Variants in DAOA observed in about 807,000 individuals in gnomAD.
DAOA encodes the protein D-amino acid oxidase activator, also known as D-amino acid oxidase regulator.
Under a neutral mutation model 16.4 loss-of-function variants are expected in DAOA, and 15 were observed. The observed-to-expected ratio is 0.91, with a 90% confidence interval of 0.61 to 1.41. The LOEUF is 1.41. Among genes scored for constraint, DAOA ranks in the 40% most tolerant of loss-of-function variants. The probability of loss-of-function intolerance (pLI) is 0.00; values close to 1 mark genes in which losing one functional copy is unlikely to be tolerated. For missense variants in DAOA, 230 were observed against 176.8 expected (o/e 1.30, Z -1.71); for synonymous variants, 75 against 59.1 (o/e 1.27, Z -1.23).
chr13:105,473,752 T>A (rs1401312661), intron 4 of DAOA, among the ~76,000 whole-genome samples: 1 of 152,092 alleles, frequency 6.6e-6, no homozygotes. Flanking sequence ...GAGGCTATAG[T>A]TTATCGGTGT....
intron 4 of DAOA, among the ~76,000 whole-genome samples, chr13:105,478,934 G>T (rs9586859): frequency 0.012 from 1,866 of 152,218 alleles, 52 homozygotes; most frequent in African/African-American, 0.041. Context: ...CTACTCATTT[G>T]TGTTGCTTTT....
intron 3 of DAOA, among the ~76,000 whole-genome samples, chr13:105,471,114 A>G (rs965260916): frequency 1.3e-5 from 2 of 152,034 alleles, no homozygotes; most frequent in South Asian, 2.1e-4. Context: ...TAGTAGAGAC[A>G]GGGTTTCACC....
intron 3 of DAOA, among the ~76,000 whole-genome samples, chr13:105,468,069 T>C (rs1372054289): frequency 1.3e-5 from 2 of 152,172 alleles, no homozygotes; most frequent in East Asian, 3.9e-4. Context: ...CCTCTGTCTT[T>C]AGAGTCAGCA....
At chr13:105,482,927 T>A (rs1037000832) in intron 4 of DAOA, among the ~76,000 whole-genome samples, 1 of 152,090 alleles carries the variant, frequency 6.6e-6, no homozygotes, top group Non-Finnish European at 1.5e-5. Flanking sequence ...ATTGGATAAG[T>A]TTTTACATGT....
intron 4 of DAOA, among the ~76,000 whole-genome samples, chr13:105,486,877 C>T (rs1878148420): frequency 6.6e-6 from 1 of 152,154 alleles, no homozygotes. Context: ...ACTTCGGCAT[C>T]CCATAGTGCT....
intron 4 of DAOA, among the ~76,000 whole-genome samples, chr13:105,488,422 A>G (rs923742819): frequency 6.6e-6 from 1 of 152,214 alleles, no homozygotes; most frequent in African/African-American, 2.4e-5. Context: ...TGTACACACA[A>G]TGCTATTTGT....
intron 3 of DAOA, among the ~76,000 whole-genome samples, chr13:105,470,193 A>G (rs1273543662): frequency 6.6e-6 from 1 of 151,472 alleles, no homozygotes; most frequent in African/African-American, 2.4e-5. Context: ...TATCAAGATT[A>G]AAAATAACTG....
intron 4 of DAOA, among the ~76,000 whole-genome samples, chr13:105,475,586 G>T (rs546651725): frequency 1.3e-5 from 2 of 152,140 alleles, no homozygotes; most frequent in Non-Finnish European, 2.9e-5. Context: ...GAGCAACAAA[G>T]TAAGTTTTCA....
chr13:105,471,889 A>G (rs907752009), intron 3 of DAOA, among the ~76,000 whole-genome samples: 1 of 152,212 alleles, frequency 6.6e-6, no homozygotes, highest in Non-Finnish European at 1.5e-5. Context: ...TAGTCAGGTG[A>G]TTTAGTAATC....
intron 3 of DAOA, among the ~76,000 whole-genome samples, chr13:105,471,652 T>C (rs550865388): frequency 6.6e-6 from 1 of 152,326 alleles, no homozygotes; most frequent in Non-Finnish European, 1.5e-5. Context: ...ACTTGATTAA[T>C]AAGAGAAACA....
At chr13:105,466,400 G>A in intron 2 of DAOA, 68 bp downstream of exon 2, 1 of 1,610,006 alleles carries the variant, frequency 6.2e-7, no homozygotes, top group East Asian at 2.2e-5. Context: ...TGGCAGCACA[G>A]AGCTCCCAGG....
chr13:105,478,295 T>C (rs1877483648), intron 4 of DAOA, among the ~76,000 whole-genome samples: 1 of 152,222 alleles, frequency 6.6e-6, no homozygotes, highest in Admixed American at 6.5e-5. Context: ...ATTAGAGGAT[T>C]TCTGCAATTG....
chr13:105,473,228 A>T (rs1877109108), intron 4 of DAOA, among the ~76,000 whole-genome samples: 1 of 151,958 alleles, frequency 6.6e-6, no homozygotes, highest in South Asian at 2.1e-4. Flanking sequence ...TGTTTCCCAG[A>T]TTATTTTCCA....
chr13:105,476,514 A>C (rs1877344534), intron 4 of DAOA, among the ~76,000 whole-genome samples: 1 of 151,744 alleles, frequency 6.6e-6, no homozygotes, highest in Admixed American at 6.6e-5. Flanking sequence ...AAAAAAAAAA[A>C]AAAAATTACA....
chr13:105,474,359 T>G (rs1877196362), intron 4 of DAOA, among the ~76,000 whole-genome samples: 1 of 152,042 alleles, frequency 6.6e-6, no homozygotes, highest in African/African-American at 2.4e-5. Flanking sequence ...TGTGAGTGTG[T>G]GCATGCGCGT....
rs1309295979 is a variant in DAOA, at chr13:105,472,677, C to T, written c.273C>T (p.Pro91=). ...LCPWVSYLPQ[P]YAELEEVSSH... is the part of the protein sequence containing the mutation. ...CTTGGGTCTCTTACCTTCCTCAGCC[C>T]TATGCAGAGTATGTATCTTCTTCAT... The change falls in exon 4 of 6, where the codon CCC becomes CCT. Residue 91 remains proline (P), a synonymous_variant. Transcript: ENST00000375936. 6.2e-7 allele frequency: 1 copy of T among 1,612,808 alleles called. No homozygotes were observed. Among genetic ancestry groups the T allele is most frequent in the Non-Finnish European group, 8.5e-7 (1 of 1,179,416 alleles).
At chr13:105,468,387 T>C (rs1326053226) in intron 3 of DAOA, among the ~76,000 whole-genome samples, 1 of 152,202 alleles carries the variant, frequency 6.6e-6, no homozygotes, top group Non-Finnish European at 1.5e-5. Flanking sequence ...AACTGAATTT[T>C]ATTTTGCCTC....
Position 105,483,960 on chromosome 13 carries a change from C to T in DAOA, c.282-5941C>T, listed in dbSNP as rs1250899597. 3.3e-5 allele frequency among the ~76,000 whole-genome samples: 5 copies of T among 152,030 alleles called. No individual in the cohort carries two copies. In the South Asian group the frequency reaches 8.3e-4, roughly 25 times the overall value. ...GCATCTAATACATCTTTACTTAACGCTAATTGACACTGTTAGTCTCATATG... is the reference window on the plus strand; with the variant it reads ...GCATCTAATACATCTTTACTTAACGTTAATTGACACTGTTAGTCTCATATG... On this transcript the variant is annotated intron_variant, in intron 4 of 5. Coordinates refer to ENST00000375936, the MANE Select transcript of DAOA (RefSeq NM_172370.5).
At chr13:105,466,693 G>C (rs1466882202) in intron 2 of DAOA, among the ~76,000 whole-genome samples, 1 of 152,120 alleles carries the variant, frequency 6.6e-6, no homozygotes, top group Non-Finnish European at 1.5e-5. Context: ...ACAGGAATTT[G>C]TTTAGCACTG....
Sources: allele counts gnomAD v4.1 joint callset (sites outside exome capture counted in the v4.1 genomes callset), GRCh38; gene constraint gnomAD v4.1.1; transcripts MANE v1.5; gene names NCBI Gene and HGNC (gene_info 2026-07-23, HGNC 2026-07-21).